XKR4: variants seen among roughly 807,000 people sequenced by gnomAD.
XKR4 encodes the protein XK-related protein 4.
In XKR4, 12 loss-of-function variants were observed where a neutral mutation model predicts 53.9. That is an observed-to-expected ratio of 0.22 (90% CI 0.14 to 0.36). The LOEUF (loss-of-function observed/expected upper bound fraction) is 0.36, where lower values mean the gene tolerates loss of function less well. XKR4 is among the 10% of genes least tolerant of loss of function. The probability of loss-of-function intolerance (pLI) is 1.00; values close to 1 mark genes in which losing one functional copy is unlikely to be tolerated. For synonymous variants in XKR4, 354 were observed against 362.4 expected (o/e 0.98, Z 0.26); for missense variants, 799 against 859.5 (o/e 0.93, Z 0.88).
At chr8:55,106,942 T>C (rs925522660) in intron 1 of XKR4, among the ~76,000 whole-genome samples, 1 of 152,128 alleles carries the variant, frequency 6.6e-6, no homozygotes, top group Non-Finnish European at 1.5e-5. Flanking sequence ...AATGACAGAT[T>C]AAACAAAGTT....
At chr8:55,468,488 T>A (rs145311152) in intron 2 of XKR4, among the ~76,000 whole-genome samples, 1 of 152,246 alleles carries the variant, frequency 6.6e-6, no homozygotes, top group East Asian at 1.9e-4. Flanking sequence ...CTAAAACATG[T>A]CTTATTTAAA....
At chr8:55,473,035 A>C (rs1805913824) in intron 2 of XKR4, among the ~76,000 whole-genome samples, 2 of 152,066 alleles carry the variant, frequency 1.3e-5, no homozygotes, top group African/African-American at 4.8e-5. Flanking sequence ...GGTCCTGGAC[A>C]ATGAGCTCAC....
chr8:55,391,003 C>A (rs1401042472), intron 2 of XKR4, among the ~76,000 whole-genome samples: 1 of 152,154 alleles, frequency 6.6e-6, no homozygotes, highest in Non-Finnish European at 1.5e-5. Flanking sequence ...AAAACTTTTA[C>A]AACATTCTCT....
intron 1 of XKR4, among the ~76,000 whole-genome samples, chr8:55,312,809 A>T (rs958526434): frequency 8.5e-5 from 13 of 152,194 alleles, no homozygotes; most frequent in African/African-American, 2.9e-4. Context: ...ATCCAAAGAC[A>T]GCTATATAAT....
At chr8:55,479,778 C>T (rs1000496763) in intron 2 of XKR4, among the ~76,000 whole-genome samples, 13 of 152,244 alleles carry the variant, frequency 8.5e-5, no homozygotes, top group African/African-American at 2.6e-4. Flanking sequence ...CACCTCTACA[C>T]AAATAAACTA....
chr8:55,212,071 T>G, intron 1 of XKR4, among the ~76,000 whole-genome samples: 1 of 147,720 alleles, frequency 6.8e-6, no homozygotes, highest in Admixed American at 6.8e-5. Flanking sequence ...TGGCAATTGG[T>G]GTTTATCTAA....
intron 2 of XKR4, among the ~76,000 whole-genome samples, chr8:55,444,401 C>T (rs1321699337): frequency 1.3e-5 from 2 of 152,008 alleles, no homozygotes; most frequent in African/African-American, 4.8e-5. Flanking sequence ...AGTACTTTTT[C>T]TTTCATCAAA....
At position 55,499,309 on chromosome 8, in the gene XKR4, A is replaced by T. The variant is rs539416384; in HGVS notation, c.1007-23972A>T. Among the ~76,000 whole-genome samples, 3 of 152,304 alleles carry T rather than the reference A, an allele frequency of 2.0e-5. No homozygotes were observed. In the South Asian group the frequency reaches 6.2e-4, roughly 32 times the overall value. On this transcript the variant is annotated intron_variant, in intron 2 of 2. Coordinates refer to ENST00000327381, the MANE Select transcript of XKR4 (RefSeq NM_052898.2). ...CTGGAGCATAGAGGTCCTTTAAAGAAAGGGGTTATTAACATGTTCCTTAAA... is the reference window on the plus strand; with the variant it reads ...CTGGAGCATAGAGGTCCTTTAAAGATAGGGGTTATTAACATGTTCCTTAAA...
At chr8:55,427,365 A>G (rs1464562558) in intron 2 of XKR4, among the ~76,000 whole-genome samples, 4 of 152,080 alleles carry the variant, frequency 2.6e-5, no homozygotes, top group Admixed American at 1.3e-4. Context: ...ATTAATTGAA[A>G]CCAATTCTTT....
intron 1 of XKR4, among the ~76,000 whole-genome samples, chr8:55,162,232 C>T (rs1816995334): frequency 6.6e-6 from 1 of 152,192 alleles, no homozygotes; most frequent in Non-Finnish European, 1.5e-5. Context: ...CCGAGTGCCT[C>T]CGACAGGCTG....
intron 2 of XKR4, among the ~76,000 whole-genome samples, chr8:55,459,678 G>C (rs749720171): frequency 1.3e-5 from 2 of 152,062 alleles, no homozygotes; most frequent in Non-Finnish European, 2.9e-5. Context: ...ACAAGCTCAT[G>C]AAAAGATACT....
chr8:55,127,565 C>T (rs1230329276), intron 1 of XKR4, among the ~76,000 whole-genome samples: 1 of 145,386 alleles, frequency 6.9e-6, no homozygotes, highest in Non-Finnish European at 1.5e-5. Flanking sequence ...GTGCCTAACT[C>T]TTTTTTTTTT....
chr8:55,250,353 C>T (rs750732829), intron 1 of XKR4, among the ~76,000 whole-genome samples: 3 of 152,134 alleles, frequency 2.0e-5, no homozygotes, highest in Non-Finnish European at 2.9e-5. Context: ...GTAAAGAAGC[C>T]CATAGATCCT....
intron 1 of XKR4, among the ~76,000 whole-genome samples, chr8:55,204,713 G>A (rs922430773): frequency 6.6e-6 from 1 of 152,160 alleles, no homozygotes; most frequent in Non-Finnish European, 1.5e-5. Flanking sequence ...AAAATTCTTG[G>A]AAAGAATATT....
chr8:55,262,232 C>G (rs1439743683), intron 1 of XKR4, among the ~76,000 whole-genome samples: 2 of 152,168 alleles, frequency 1.3e-5, no homozygotes, highest in African/African-American at 2.4e-5. Flanking sequence ...CTTCTGTGAA[C>G]TAGTTATTTA....
Position 55,421,640 on chromosome 8 carries a change from A to G in XKR4, c.1006+63763A>G, listed in dbSNP as rs76561037. 1.1e-3 allele frequency among the ~76,000 whole-genome samples: 172 copies of G among 152,352 alleles called. 1 individual carries two copies. The East Asian group carries it at 0.031, about 28-fold the overall frequency. On this transcript the variant is annotated intron_variant, in intron 2 of 2. Coordinates refer to ENST00000327381, the MANE Select transcript of XKR4 (RefSeq NM_052898.2). Reference sequence around the variant, plus strand: ...GGTAGTTATTTAACAAATTTAGGGTATAAGGACAGACACTGAATAATTTGG... The same window carrying G: ...GGTAGTTATTTAACAAATTTAGGGTGTAAGGACAGACACTGAATAATTTGG...
At chr8:55,380,454 G>T (rs1804215136) in intron 2 of XKR4, among the ~76,000 whole-genome samples, 2 of 152,170 alleles carry the variant, frequency 1.3e-5, no homozygotes, top group Admixed American at 1.3e-4. Flanking sequence ...GAAAGAGAAA[G>T]GAAACCCCTC....
rs145076371 is a variant in XKR4, at chr8:55,375,414, A to G, written c.1006+17537A>G. On this transcript the variant is annotated intron_variant, in intron 2 of 2. Coordinates refer to ENST00000327381, the MANE Select transcript of XKR4 (RefSeq NM_052898.2). The stretch of plus-strand genomic sequence containing the variant: ...CATTCACATTCTGTTTCTCTCCTAA[A>G]TGGATGTGGACCAATTTAAACTCGT... Among the ~76,000 whole-genome samples, 656 of 152,208 alleles carry G rather than the reference A, an allele frequency of 4.3e-3. 5 individuals carry two copies. Among genetic ancestry groups the G allele is most frequent in the Middle Eastern group, 0.017 (5 of 294 alleles).
At chr8:55,231,311 A>C (rs1818035899) in intron 1 of XKR4, among the ~76,000 whole-genome samples, 1 of 152,184 alleles carries the variant, frequency 6.6e-6, no homozygotes, top group South Asian at 2.1e-4. Context: ...ATCAGGGAAC[A>C]CCCTGAGTAA....
Sources: allele counts gnomAD v4.1 joint callset (sites outside exome capture counted in the v4.1 genomes callset), GRCh38; gene constraint gnomAD v4.1.1; transcripts MANE v1.5; gene names NCBI Gene and HGNC (gene_info 2026-07-23, HGNC 2026-07-21).